Variants in AUTS2 observed in about 807,000 individuals in gnomAD.
AUTS2 encodes the protein activator of transcription and developmental regulator AUTS2, also known as autism susceptibility gene 2 protein.
Under a neutral mutation model 112.4 loss-of-function variants are expected in AUTS2, and 17 were observed. The observed-to-expected ratio is 0.15, with a 90% CI of 0.10 to 0.23. The LOEUF is 0.23. AUTS2 is among the 10% of genes least tolerant of loss of function. AUTS2 has a pLI of 1.00. For missense variants in AUTS2, 1,510 were observed against 1,701.6 expected (o/e 0.89, Z 1.98); for synonymous variants, 751 against 702.7 (o/e 1.07, Z -1.09).
chr7:70,076,699 T>C (rs1445031382), intron 2 of AUTS2, among the ~76,000 whole-genome samples: 3 of 152,162 alleles, frequency 2.0e-5, no homozygotes, highest in Non-Finnish European at 4.4e-5. Flanking sequence ...CTTTGGGTGA[T>C]AGGAGTAAGA....
chr7:69,821,157 G>C (rs1790971811), intron 1 of AUTS2, among the ~76,000 whole-genome samples: 1 of 152,188 alleles, frequency 6.6e-6, no homozygotes, highest in African/African-American at 2.4e-5. Flanking sequence ...GTGTATACTG[G>C]AGAGAGGGAA....
At chr7:70,481,639 C>T (rs776516203) in intron 5 of AUTS2, among the ~76,000 whole-genome samples, 3 of 152,128 alleles carry the variant, frequency 2.0e-5, no homozygotes, top group Non-Finnish European at 2.9e-5. Context: ...GTCAGTAGGT[C>T]GGCTTGTCTT....
intron 4 of AUTS2, among the ~76,000 whole-genome samples, chr7:70,236,470 T>C (rs1812333467): frequency 6.6e-6 from 1 of 152,162 alleles, no homozygotes; most frequent in Non-Finnish European, 1.5e-5. Flanking sequence ...TTTGATAAGC[T>C]AGGTTAATAC....
At chr7:70,579,264 A>G (rs1026284138) in intron 5 of AUTS2, among the ~76,000 whole-genome samples, 1 of 145,252 alleles carries the variant, frequency 6.9e-6, no homozygotes, top group Non-Finnish European at 1.5e-5. Flanking sequence ...AAAAAAAAAG[A>G]TGAAGGGAGG....
chr7:69,821,895 G>C (rs1293337303), intron 1 of AUTS2, among the ~76,000 whole-genome samples: 1 of 137,648 alleles, frequency 7.3e-6, no homozygotes, highest in Non-Finnish European at 1.5e-5. Flanking sequence ...CAGCCTGGGC[G>C]ATAGAGTGAG....
intron 4 of AUTS2, among the ~76,000 whole-genome samples, chr7:70,415,283 A>G (rs1189958139): frequency 3.3e-5 from 5 of 152,188 alleles, no homozygotes; most frequent in African/African-American, 1.2e-4. Flanking sequence ...GCCTTGGCCA[A>G]GTCATGCCCC....
chr7:69,829,571 A>C (rs897718914), intron 1 of AUTS2, among the ~76,000 whole-genome samples: 3 of 152,218 alleles, frequency 2.0e-5, no homozygotes, highest in Non-Finnish European at 4.4e-5. Flanking sequence ...AAAAGTGGGC[A>C]GAGGGTATGA....
intron 1 of AUTS2, among the ~76,000 whole-genome samples, chr7:69,744,909 A>G (rs1416297113): frequency 6.6e-6 from 1 of 152,196 alleles, no homozygotes; most frequent in Non-Finnish European, 1.5e-5. Flanking sequence ...CTCCTTAGAA[A>G]GTTCAGTCAC....
At chr7:70,765,357 T>C (rs1237834041) in intron 8 of AUTS2, among the ~76,000 whole-genome samples, 1 of 152,190 alleles carries the variant, frequency 6.6e-6, no homozygotes, top group African/African-American at 2.4e-5. Flanking sequence ...CAAGCCCATG[T>C]CTGTCTCGCT....
intron 1 of AUTS2, among the ~76,000 whole-genome samples, chr7:69,725,306 A>C (rs1407717950): frequency 6.6e-6 from 1 of 152,202 alleles, no homozygotes. Flanking sequence ...ATCAAAAAGT[A>C]AACATATGAG....
intron 5 of AUTS2, among the ~76,000 whole-genome samples, chr7:70,543,053 GACACCCAAAA>G (rs1563028846): frequency 1.3e-5 from 2 of 152,162 alleles, no homozygotes; most frequent in Non-Finnish European, 2.9e-5. Context: ...ATGGACAAGT[GACACCCAAAA>G]GTCCCTAGGC....
intron 4 of AUTS2, among the ~76,000 whole-genome samples, chr7:70,359,588 C>G (rs927261316): frequency 3.3e-5 from 5 of 152,156 alleles, no homozygotes; most frequent in African/African-American, 1.2e-4. Context: ...CTTGCTTTAT[C>G]TCAGCCGGCT....
intron 2 of AUTS2, among the ~76,000 whole-genome samples, chr7:69,989,866 A>G (rs1168423555): frequency 6.6e-6 from 1 of 152,106 alleles, no homozygotes; most frequent in Non-Finnish European, 1.5e-5. Context: ...TTAGACTCTC[A>G]TAGGAGTGCT....
chr7:69,639,734 G>C (rs1794717257), intron 1 of AUTS2, among the ~76,000 whole-genome samples: 1 of 152,208 alleles, frequency 6.6e-6, no homozygotes. Context: ...GTTTGGATAT[G>C]GCTGAAATGA....
Position 70,048,652 on chromosome 7 carries a change from C to G in AUTS2, c.523-69480C>G, listed in dbSNP as rs532001819. On this transcript the variant is annotated intron_variant, in intron 2 of 18. Coordinates refer to ENST00000342771, the MANE Select transcript of AUTS2 (RefSeq NM_015570.4). ...CACATTAGTGGCTTTTGGATGTGTCCAGAAGTATACCTATTATACGTTGAA... is the reference window on the plus strand; with the variant it reads ...CACATTAGTGGCTTTTGGATGTGTCGAGAAGTATACCTATTATACGTTGAA... 5.3e-5 allele frequency among the ~76,000 whole-genome samples: 8 copies of G among 152,132 alleles called. No individual in the cohort carries two copies. In the East Asian group the frequency reaches 1.4e-3, roughly 26 times the overall value.
chr7:70,690,979 T>C (rs923737220), intron 5 of AUTS2, among the ~76,000 whole-genome samples: 10 of 152,156 alleles, frequency 6.6e-5, no homozygotes, highest in African/African-American at 2.4e-4. Flanking sequence ...GTTAATAAAT[T>C]CATAAGAATT....
chr7:70,176,442 G>A (rs539150610), intron 4 of AUTS2, among the ~76,000 whole-genome samples: 1 of 152,174 alleles, frequency 6.6e-6, no homozygotes, highest in East Asian at 1.9e-4. Context: ...TAACTTTTTG[G>A]TATTTGGTTT....
chr7:70,570,571 T>C (rs1352758981), intron 5 of AUTS2, among the ~76,000 whole-genome samples: 3 of 152,164 alleles, frequency 2.0e-5, no homozygotes, highest in East Asian at 3.9e-4. Context: ...CTCTCTGCTT[T>C]CACCTCTCCT....
intron 4 of AUTS2, among the ~76,000 whole-genome samples, chr7:70,275,833 C>T (rs1787902860): frequency 6.6e-6 from 1 of 152,206 alleles, no homozygotes; most frequent in Non-Finnish European, 1.5e-5. Flanking sequence ...CCCCTTCTGC[C>T]ATGATCGTAA....
Sources: gnomAD v4.1 joint callset for allele counts (sites outside exome capture counted in the v4.1 genomes callset) on GRCh38, gnomAD v4.1.1 for gene constraint, MANE v1.5 for transcripts, NCBI Gene and HGNC (gene_info 2026-07-23, HGNC 2026-07-21) for gene names.